ZBTB7C: variants seen among roughly 807,000 people sequenced by gnomAD.
ZBTB7C encodes zinc finger and BTB domain-containing protein 7C.
Under a neutral mutation model 25.7 loss-of-function variants are expected in ZBTB7C, and 8 were observed. That is an observed-to-expected ratio of 0.31 (90% CI 0.18 to 0.56). The LOEUF is 0.56. ZBTB7C is among the 20% of genes least tolerant of loss of function. The pLI is 0.91. For synonymous variants in ZBTB7C, 394 were observed against 369.0 expected, an observed-to-expected ratio of 1.07 and a Z score of -0.78; for missense variants, 824 against 855.2, an observed-to-expected ratio of 0.96 and a Z score of 0.46.
At chr18:48,350,636 T>G (rs1251275990) in intron 1 of ZBTB7C, 2 of 151,056 alleles carry the variant, frequency 1.3e-5, no homozygotes, top group Admixed American at 6.7e-5. Context: ...AAAACCCAAA[T>G]GGCATAAAAG....
chr18:48,182,510 G>A (rs1790111546), intron 3 of ZBTB7C, among the ~76,000 whole-genome samples: 7 of 152,206 alleles, frequency 4.6e-5, no homozygotes, highest in Admixed American at 3.9e-4. Flanking sequence ...AAGATGCACA[G>A]AGGAGACTCA....
intron 3 of ZBTB7C, among the ~76,000 whole-genome samples, chr18:48,151,545 G>A (rs975137050): frequency 1.3e-5 from 2 of 152,158 alleles, no homozygotes; most frequent in African/African-American, 4.8e-5. Context: ...AGGAAACGGA[G>A]GCTGGATTGT....
intron 3 of ZBTB7C, among the ~76,000 whole-genome samples, chr18:48,073,353 G>A (rs73429521): frequency 0.14 from 20,648 of 152,170 alleles, 2,997 homozygotes; most frequent in African/African-American, 0.37. Context: ...TGTAGGCAGC[G>A]GAGCAGGGCC....
intron 2 of ZBTB7C, among the ~76,000 whole-genome samples, chr18:48,239,568 C>T (rs146830115): frequency 9.9e-4 from 151 of 152,286 alleles, no homozygotes; most frequent in African/African-American, 3.4e-3. Flanking sequence ...CTCTCCAGTA[C>T]AGCTCAGAAC....
chr18:48,173,577 C>T (rs2041568180), intron 3 of ZBTB7C, among the ~76,000 whole-genome samples: 1 of 152,194 alleles, frequency 6.6e-6, no homozygotes, highest in Non-Finnish European at 1.5e-5. Flanking sequence ...TCCTTCTCTC[C>T]AAGGAAGAGT....
rs530298864 is a variant in ZBTB7C at position 48,204,898 on chromosome 18, AT to A, written c.-78-18904del. 4.9e-3 allele frequency among the ~76,000 whole-genome samples: 745 copies of A among 152,262 alleles called. 2 individuals carry two copies. Among genetic ancestry groups the A allele is most frequent in the Middle Eastern group, 6.8e-3 (2 of 294 alleles). On this transcript the variant is annotated intron_variant, in intron 2 of 4. Transcript: ENST00000590800. ...TGCTTTGGGCTTACTGGCAATTCTC[AT>A]TTGGCTGCTGACTTCTCTTGGCCAC...
At chr18:48,169,187 A>AT in intron 3 of ZBTB7C, among the ~76,000 whole-genome samples, 1 of 152,306 alleles carries the variant, frequency 6.6e-6, no homozygotes. Context: ...CTCCTACTGC[A>AT]TGCTCCTGCA....
chr18:48,297,958 G>C (rs2045440976), intron 2 of ZBTB7C, among the ~76,000 whole-genome samples: 4 of 152,150 alleles, frequency 2.6e-5, no homozygotes. Flanking sequence ...TGTCTGTGCA[G>C]TCACTGAGTG....
At chr18:48,291,320 G>A (rs2045223041) in intron 2 of ZBTB7C, among the ~76,000 whole-genome samples, 1 of 152,136 alleles carries the variant, frequency 6.6e-6, no homozygotes, top group Non-Finnish European at 1.5e-5. Context: ...ACTACCTCTG[G>A]GGATATAAAA....
intron 2 of ZBTB7C, among the ~76,000 whole-genome samples, chr18:48,275,194 T>C (rs1017933010): frequency 1.3e-5 from 2 of 152,230 alleles, no homozygotes; most frequent in African/African-American, 4.8e-5. Flanking sequence ...TGGCAGATTG[T>C]TTGCCTAAAT....
intron 2 of ZBTB7C, among the ~76,000 whole-genome samples, chr18:48,205,046 A>C (rs1158059970): frequency 6.6e-6 from 1 of 152,100 alleles, no homozygotes; most frequent in East Asian, 1.9e-4. Context: ...CTAGGGACCA[A>C]TGACCAGGGA....
intron 1 of ZBTB7C, among the ~76,000 whole-genome samples, chr18:48,365,007 C>T (rs2047190911): frequency 6.6e-6 from 1 of 152,174 alleles, no homozygotes; most frequent in African/African-American, 2.4e-5. Flanking sequence ...CAACAAGTTC[C>T]CATGTGATGC....
intron 1 of ZBTB7C, chr18:48,346,844 G>A (rs923898368): frequency 6.6e-6 from 1 of 151,884 alleles, no homozygotes; most frequent in African/African-American, 2.4e-5. Flanking sequence ...GAGTGCACTG[G>A]TGGGATCTTG....
chr18:48,155,536 CG>C (rs373038876), intron 3 of ZBTB7C, among the ~76,000 whole-genome samples: 5,713 of 151,466 alleles, frequency 0.038, 323 homozygotes, highest in African/African-American at 0.13. Context: ...GGGGTTTCAC[CG>C]CATTAGCCAG....
At chr18:48,033,071 C>T (rs1005825036) in intron 4 of ZBTB7C, among the ~76,000 whole-genome samples, 10 of 152,212 alleles carry the variant, frequency 6.6e-5, no homozygotes, top group Admixed American at 3.3e-4. Context: ...AGACCCACCA[C>T]CAACTTGCTG....
intron 1 of ZBTB7C, among the ~76,000 whole-genome samples, chr18:48,364,854 T>C (rs2047187663): frequency 6.6e-6 from 1 of 152,200 alleles, no homozygotes; most frequent in South Asian, 2.1e-4. Context: ...TTCCGTTTAA[T>C]TATATAAATT....
intron 2 of ZBTB7C, among the ~76,000 whole-genome samples, chr18:48,337,942 C>A (rs1286719833): frequency 6.6e-6 from 1 of 152,200 alleles, no homozygotes; most frequent in African/African-American, 2.4e-5. Flanking sequence ...TCCCATAAGG[C>A]ATAGGAAGTG....
At position 48,063,826 on chromosome 18, in the gene ZBTB7C, G is replaced by A. The variant is rs552260306; in HGVS notation, c.-16-22703C>T. Among the ~76,000 whole-genome samples the A allele has an allele frequency of 3.3e-5, 5 of 152,154 alleles. No individual in the cohort carries two copies. In the East Asian group the frequency reaches 9.7e-4, roughly 29 times the overall value. On this transcript the variant is annotated intron_variant, in intron 3 of 4. Coordinates refer to ENST00000590800, the MANE Select transcript of ZBTB7C (RefSeq NM_001318841.2). Reference sequence around the variant, plus strand: ...TAAAAGCGTCCATGGTAGAAATCATGCCAAATGCCTTTTTTGTATCCAACC... The same window carrying A: ...TAAAAGCGTCCATGGTAGAAATCATACCAAATGCCTTTTTTGTATCCAACC...
At chr18:48,280,491 C>A (rs1002820005) in intron 2 of ZBTB7C, among the ~76,000 whole-genome samples, 2 of 152,108 alleles carry the variant, frequency 1.3e-5, no homozygotes, top group Non-Finnish European at 2.9e-5. Context: ...GCTTCTCAAG[C>A]CCTACACAAT....
Sources: gnomAD v4.1 joint callset for allele counts (sites outside exome capture counted in the v4.1 genomes callset) on GRCh38, gnomAD v4.1.1 for gene constraint, MANE v1.5 for transcripts, NCBI Gene and HGNC (gene_info 2026-07-23, HGNC 2026-07-21) for gene names.